Variants in CACNB2 observed in about 807,000 individuals in gnomAD.
CACNB2 encodes voltage-dependent L-type calcium channel subunit beta-2.
CACNB2 carries 42 observed loss-of-function variants against 73.3 expected under a neutral mutation model. The observed-to-expected ratio is 0.57, with a 90% CI of 0.45 to 0.74. The LOEUF is 0.74. Ranked by LOEUF, CACNB2 falls within the 30% of genes least tolerant of loss-of-function variation. The probability of loss-of-function intolerance (pLI) is 0.00; values close to 1 mark genes in which losing one functional copy is unlikely to be tolerated. For synonymous variants in CACNB2, 348 were observed against 310.3 expected (o/e 1.12, Z -1.28); for missense variants, 940 against 853.0 (o/e 1.10, Z -1.27).
Position 18,494,367 on chromosome 10 carries a change from C to T in CACNB2, c.334-3988C>T, listed in dbSNP as rs190132608. On this transcript the variant is annotated intron_variant, in intron 3 of 13. Transcript: ENST00000324631. ...CATCTGGGCTGGGTGCGGTGGCTCA[C>T]GCCTGTAATCCCAGCACTTTGGGAG... 2.8e-3 allele frequency among the ~76,000 whole-genome samples: 426 copies of T among 152,200 alleles called. 1 individual carries two copies. Among genetic ancestry groups the T allele is most frequent in the Non-Finnish European group, 3.8e-3 (257 of 68,010 alleles).
At chr10:18,192,730 A>C (rs2034458008) in intron 2 of CACNB2, among the ~76,000 whole-genome samples, 2 of 152,220 alleles carry the variant, frequency 1.3e-5, no homozygotes, top group African/African-American at 4.8e-5. Flanking sequence ...TATAAATGAA[A>C]TTAGACAACA....
intron 3 of CACNB2, among the ~76,000 whole-genome samples, chr10:18,439,216 A>T (rs1021996882): frequency 1.3e-5 from 2 of 152,190 alleles, no homozygotes; most frequent in East Asian, 3.8e-4. Flanking sequence ...ATTTCACGAG[A>T]TGCTGAATTG....
At chr10:18,496,396 G>T (rs892038662) in intron 3 of CACNB2, among the ~76,000 whole-genome samples, 1 of 152,140 alleles carries the variant, frequency 6.6e-6, no homozygotes, top group Non-Finnish European at 1.5e-5. Context: ...GGAAAATTTG[G>T]AAATGAAAAT....
intron 3 of CACNB2, among the ~76,000 whole-genome samples, chr10:18,449,880 T>G (rs1381897658): frequency 6.6e-6 from 1 of 152,042 alleles, no homozygotes; most frequent in Non-Finnish European, 1.5e-5. Context: ...CTCAGAAAGG[T>G]CACACACCAG....
intron 2 of CACNB2, among the ~76,000 whole-genome samples, chr10:18,210,990 A>G (rs1178125596): frequency 6.6e-6 from 1 of 152,176 alleles, no homozygotes; most frequent in Non-Finnish European, 1.5e-5. Flanking sequence ...CATGGACACC[A>G]TTGGAGTAGC....
chr10:18,292,876 A>AT (rs1467361314), intron 2 of CACNB2, among the ~76,000 whole-genome samples: 1 of 152,108 alleles, frequency 6.6e-6, no homozygotes, highest in Admixed American at 6.6e-5. Context: ...TAAACACCAA[A>AT]TTTTTTACCA....
chr10:18,378,048 G>T (rs1386210222), intron 2 of CACNB2, among the ~76,000 whole-genome samples: 2 of 152,060 alleles, frequency 1.3e-5, no homozygotes, highest in Admixed American at 1.3e-4. Context: ...TGCTTGTTGG[G>T]AAGGCATTAT....
intron 2 of CACNB2, among the ~76,000 whole-genome samples, chr10:18,198,071 T>A (rs1246775817): frequency 6.8e-6 from 1 of 148,088 alleles, no homozygotes; most frequent in Non-Finnish European, 1.5e-5. Flanking sequence ...TGTTAATGTA[T>A]GTAACATATT....
intron 2 of CACNB2, among the ~76,000 whole-genome samples, chr10:18,384,978 C>A (rs989102191): frequency 3.3e-5 from 5 of 151,996 alleles, no homozygotes; most frequent in Middle Eastern, 3.4e-3. Context: ...ACATGCAGAA[C>A]TTTGAAAAGA....
At chr10:18,329,456 T>C (rs1376668475) in intron 2 of CACNB2, among the ~76,000 whole-genome samples, 2 of 151,478 alleles carry the variant, frequency 1.3e-5, no homozygotes, top group African/African-American at 2.4e-5. Flanking sequence ...CTGTGAATAT[T>C]TTTTCCCAGA....
intron 2 of CACNB2, among the ~76,000 whole-genome samples, chr10:18,278,894 T>C (rs752121550): frequency 9.2e-5 from 14 of 152,156 alleles, no homozygotes; most frequent in Non-Finnish European, 1.8e-4. Flanking sequence ...CATGTGCCTA[T>C]AGTTCCAGCT....
At chr10:18,224,510 C>A (rs1291953384) in intron 2 of CACNB2, among the ~76,000 whole-genome samples, 1 of 152,104 alleles carries the variant, frequency 6.6e-6, no homozygotes, top group African/African-American at 2.4e-5. Flanking sequence ...CAAAGAATTT[C>A]TTTCTCTAAC....
chr10:18,322,844 T>A (rs2040442846), intron 2 of CACNB2, among the ~76,000 whole-genome samples: 1 of 152,054 alleles, frequency 6.6e-6, no homozygotes, highest in Non-Finnish European at 1.5e-5. Context: ...AAGGTCTTAC[T>A]TCCTGCCTAA....
chr10:18,330,918 C>T (rs1168156449), intron 2 of CACNB2, among the ~76,000 whole-genome samples: 2 of 151,884 alleles, frequency 1.3e-5, no homozygotes, highest in African/African-American at 4.8e-5. Context: ...CTGCCCACCT[C>T]GGCCTCCCAA....
intron 2 of CACNB2, among the ~76,000 whole-genome samples, chr10:18,216,952 G>A (rs1045626151): frequency 4.6e-5 from 7 of 152,334 alleles, no homozygotes; most frequent in African/African-American, 9.6e-5. Flanking sequence ...TTTGGGTCAA[G>A]TTGAACTATT....
intron 2 of CACNB2, among the ~76,000 whole-genome samples, chr10:18,240,486 G>A (rs886829210): frequency 5.3e-5 from 8 of 152,226 alleles, no homozygotes; most frequent in South Asian, 2.1e-4. Flanking sequence ...TAACCAGGTC[G>A]CTCACTATTA....
chr10:18,507,339 T>C (rs139241278), intron 6 of CACNB2, among the ~76,000 whole-genome samples: 1 of 152,060 alleles, frequency 6.6e-6, no homozygotes, highest in Non-Finnish European at 1.5e-5. Context: ...AAGATGAAAA[T>C]GTGTGTGGGA....
intron 3 of CACNB2, among the ~76,000 whole-genome samples, chr10:18,408,231 C>CTTT (rs71402161): frequency 0.012 from 934 of 77,976 alleles, 14 homozygotes; most frequent in Non-Finnish European, 0.016. Flanking sequence ...CTATCCCTGA[C>CTTT]TTTTTTTTTT....
At chr10:18,493,988 G>T (rs546555044) in intron 3 of CACNB2, among the ~76,000 whole-genome samples, 221 of 152,252 alleles carry the variant, frequency 1.5e-3, no homozygotes, top group Non-Finnish European at 2.3e-3. Context: ...TTGTTTCCTA[G>T]TTCTATAAAG....
Sources: gnomAD v4.1 joint callset for allele counts (sites outside exome capture counted in the v4.1 genomes callset) on GRCh38, gnomAD v4.1.1 for gene constraint, MANE v1.5 for transcripts, NCBI Gene and HGNC (gene_info 2026-07-23, HGNC 2026-07-21) for gene names.